SH3D19: variants seen among roughly 807,000 people sequenced by gnomAD.
SH3D19 encodes SH3 domain-containing protein 19.
A neutral mutation model predicts 112.1 loss-of-function variants in SH3D19; 58 were observed. The ratio of observed to expected loss-of-function variants is 0.52; its 90% CI spans 0.42 to 0.64. The LOEUF is 0.64. Ranked by LOEUF, SH3D19 falls within the 30% of genes least tolerant of loss-of-function variation. The pLI is 0.00. For synonymous variants in SH3D19, 391 were observed against 448.5 expected (o/e 0.87, Z 1.62); for missense variants, 1,090 against 1,263.4 (o/e 0.86, Z 2.08).
chr4:151,291,409 G>C (rs759665136), intron 1 of SH3D19: 1 of 1,613,854 alleles, frequency 6.2e-7, no homozygotes, highest in Admixed American at 1.7e-5. Context: ...TTGCATACAG[G>C]GCTGGGAAGA....
chr4:151,286,432 T>C (rs537866125), intron 1 of SH3D19, among the ~76,000 whole-genome samples: 3 of 149,572 alleles, frequency 2.0e-5, no homozygotes, highest in South Asian at 2.1e-4. Context: ...CTTACAGAAA[T>C]AAAAAGAATT....
chr4:151,206,594 CATGAGT>C (rs1407433959), intron 2 of SH3D19, among the ~76,000 whole-genome samples: 3 of 152,120 alleles, frequency 2.0e-5, no homozygotes, highest in Non-Finnish European at 4.4e-5. Flanking sequence ...CTAAAACCAA[CATGAGT>C]ATGTTAGGTA....
At chr4:151,246,636 A>G (rs1226258172) in intron 1 of SH3D19, among the ~76,000 whole-genome samples, 1 of 152,196 alleles carries the variant, frequency 6.6e-6, no homozygotes, top group Non-Finnish European at 1.5e-5. Context: ...ATAATTTTTA[A>G]AATATACTAT....
intron 1 of SH3D19, among the ~76,000 whole-genome samples, chr4:151,288,759 T>C (rs1180265445): frequency 6.6e-6 from 1 of 152,110 alleles, no homozygotes; most frequent in Non-Finnish European, 1.5e-5. Flanking sequence ...AAAACAATAT[T>C]CCATTTATAA....
chr4:151,253,472 G>T (rs1211143349), intron 1 of SH3D19, among the ~76,000 whole-genome samples: 1 of 152,202 alleles, frequency 6.6e-6, no homozygotes, highest in African/African-American at 2.4e-5. Context: ...CGGGCACAGT[G>T]GCTCACGCCT....
At chr4:151,154,266 G>A (rs568343857) in intron 9 of SH3D19, among the ~76,000 whole-genome samples, 1 of 152,012 alleles carries the variant, frequency 6.6e-6, no homozygotes, top group East Asian at 1.9e-4. Context: ...CCGAGTAGCT[G>A]GGATTACAGG....
At chr4:151,174,538 C>T (rs1214698884) in intron 7 of SH3D19, 132 bp downstream of exon 7, 11 of 707,634 alleles carry the variant, frequency 1.6e-5, no homozygotes, top group Middle Eastern at 4.2e-4. Context: ...TTTCTATACA[C>T]ACACATGCAT....
intron 4 of SH3D19, among the ~76,000 whole-genome samples, chr4:151,178,477 T>C (rs1461680911): frequency 1.3e-5 from 2 of 152,248 alleles, no homozygotes; most frequent in Non-Finnish European, 2.9e-5. Context: ...TAAGAACCTT[T>C]GCTTATAGCT....
At chr4:151,138,855 G>A (rs1180310338) in intron 13 of SH3D19, among the ~76,000 whole-genome samples, 3 of 152,032 alleles carry the variant, frequency 2.0e-5, no homozygotes, top group Non-Finnish European at 4.4e-5. Context: ...TTTTTGAGAC[G>A]GGGTTTTGCT....
chr4:151,227,617 G>A, intron 1 of SH3D19: 1 of 314,760 alleles, frequency 3.2e-6, no homozygotes, highest in Non-Finnish European at 4.6e-6. Context: ...GTAACGCAGG[G>A]CACATTTAAA....
chr4:151,191,949 T>TG (rs1354662394), intron 2 of SH3D19, among the ~76,000 whole-genome samples: 29 of 62,438 alleles, frequency 4.6e-4, no homozygotes, highest in African/African-American at 1.1e-3. Context: ...CCAGCCCTTT[T>TG]TTTTTTTTTT....
At chr4:151,301,005 A>G (rs893724364) in intron 1 of SH3D19, among the ~76,000 whole-genome samples, 9 of 152,228 alleles carry the variant, frequency 5.9e-5, no homozygotes, top group African/African-American at 1.4e-4. Context: ...CTGTCATTCA[A>G]TGAGATATAG....
At chr4:151,165,774 G>C in intron 7 of SH3D19, 78 bp from the exon 8 acceptor site, 1 of 1,294,862 alleles carries the variant, frequency 7.7e-7, no homozygotes, top group South Asian at 1.2e-5. Context: ...TAATTTAAGA[G>C]TCATATTTTT....
At chr4:151,218,704 C>A (rs1356105862) in intron 2 of SH3D19, among the ~76,000 whole-genome samples, 1 of 152,098 alleles carries the variant, frequency 6.6e-6, no homozygotes, top group Non-Finnish European at 1.5e-5. Flanking sequence ...ATTTGATAAT[C>A]AATACCCTAA....
At chr4:151,236,153 G>A (rs570985205) in intron 1 of SH3D19, among the ~76,000 whole-genome samples, 4 of 152,378 alleles carry the variant, frequency 2.6e-5, no homozygotes, top group African/African-American at 7.2e-5. Flanking sequence ...CCGCGCTGGA[G>A]GAGCCCTTCA....
At chr4:151,289,503 A>G (rs1175296822) in intron 1 of SH3D19, among the ~76,000 whole-genome samples, 1 of 152,250 alleles carries the variant, frequency 6.6e-6, no homozygotes, top group Non-Finnish European at 1.5e-5. Flanking sequence ...TCTAGAAAAA[A>G]GAACACTTGT....
At position 151,287,107 on chromosome 4, in the gene SH3D19, G is replaced by A. The variant is rs576411100; in HGVS notation, c.112+38134C>T. On this transcript the variant is annotated intron_variant, in intron 1 of 19. Transcript: ENST00000604030. ...TGTAATCCCAGCACTTTGGGAGGCC[G>A]AGGCAGGCAGATCACCTGATGTCAG... is the stretch of plus-strand genomic sequence containing the variant. Among the ~76,000 whole-genome samples, 63 of 151,456 alleles carry A rather than the reference G, an allele frequency of 4.2e-4. 1 individual carries two copies. Among genetic ancestry groups the A allele is most frequent in the Non-Finnish European group, 8.8e-4 (60 of 67,838 alleles).
chr4:151,301,560 C>T (rs1728430701), intron 1 of SH3D19, among the ~76,000 whole-genome samples: 4 of 152,218 alleles, frequency 2.6e-5, no homozygotes, highest in South Asian at 4.2e-4. Context: ...GTGTGGCACT[C>T]CCCGCTCTCT....
At position 151,133,207 on chromosome 4, in the gene SH3D19, T is replaced by C; in HGVS notation, c.2516A>G (p.Tyr839Cys). The change falls in exon 16 of 20, where the codon TAT becomes TGT. Residue 839 changes from tyrosine (Y) to cysteine (C), a missense_variant. Coordinates refer to ENST00000604030, the MANE Select transcript of SH3D19 (RefSeq NM_001378122.1). ...CAACTCATCCTTCTGCTCTCCAATA[T>C]ATTCAAACCGAGCAACACATCTTGA... ...KGSRCVARFE[Y>C]IGEQKDELSF... The C allele has an allele frequency of 1.9e-6, 3 of 1,614,122 alleles. No homozygotes were observed. The highest frequency in any genetic ancestry group is 2.5e-6 in the Non-Finnish European group (3 of 1,180,016).
Sources: gnomAD v4.1 joint callset for allele counts (sites outside exome capture counted in the v4.1 genomes callset) on GRCh38, gnomAD v4.1.1 for gene constraint, MANE v1.5 for transcripts, NCBI Gene and HGNC (gene_info 2026-07-23, HGNC 2026-07-21) for gene names.